Variants in PIEZO2 observed in about 807,000 individuals in gnomAD.
The protein encoded by PIEZO2 is piezo type mechanosensitive ion channel component 2.
Under a neutral mutation model 337.3 loss-of-function variants are expected in PIEZO2, and 172 were observed. The observed-to-expected ratio is 0.51, with a 90% CI of 0.45 to 0.58. The LOEUF is 0.58. Ranked by LOEUF, PIEZO2 falls within the 20% of genes least tolerant of loss-of-function variation. The pLI is 0.00. For synonymous variants in PIEZO2, 1,251 were observed against 1,228.5 expected, an observed-to-expected ratio of 1.02 and a Z score of -0.38; for missense variants, 3,028 against 3,391.3, an observed-to-expected ratio of 0.89 and a Z score of 2.66.
intron 2 of PIEZO2, among the ~76,000 whole-genome samples, chr18:11,037,416 A>C (rs1035520211): frequency 6.6e-6 from 1 of 152,248 alleles, no homozygotes; most frequent in South Asian, 2.1e-4. Context: ...ACTAAAAAAT[A>C]ATTATTGAGC....
chr18:10,885,382 C>A (rs1018588081), intron 4 of PIEZO2, among the ~76,000 whole-genome samples: 13 of 152,240 alleles, frequency 8.5e-5, no homozygotes, highest in African/African-American at 3.1e-4. Context: ...CGAGATTGAG[C>A]AACTGCACTC....
In PIEZO2 at chr18:10,888,716, G is replaced by A. The variant is rs182946623; in HGVS notation, c.330-17301C>T. On this transcript the variant is annotated intron_variant, in intron 4 of 55. Transcript: ENST00000674853. The surrounding 1 kb of genome is among the most constrained non-coding windows in gnomAD (Gnocchi z 4.1). ...CTTTGTAAATCTTTGCTCTGATAGT[G>A]ACAAACATGGCTCCCATTATCCTTA... Among the ~76,000 whole-genome samples, 7 of 152,046 alleles carry A rather than the reference G, an allele frequency of 4.6e-5. No homozygotes were observed. In the East Asian group the frequency reaches 1.4e-3, roughly 29 times the overall value.
intron 14 of PIEZO2, among the ~76,000 whole-genome samples, chr18:10,790,374 G>A (rs2039367425): frequency 6.6e-6 from 1 of 152,192 alleles, no homozygotes; most frequent in African/African-American, 2.4e-5. Flanking sequence ...TTCACAGACA[G>A]TGCTTCTTAA....
chr18:10,989,052 C>T (rs537585952), intron 2 of PIEZO2, among the ~76,000 whole-genome samples: 72 of 152,120 alleles, frequency 4.7e-4, no homozygotes, highest in African/African-American at 1.7e-3. Context: ...GTATTGTACA[C>T]TTAAAATTGC....
At chr18:11,066,334 C>T (rs1212260198) in intron 1 of PIEZO2, 112 bp from the exon 2 acceptor site, 32 of 716,540 alleles carry the variant, frequency 4.5e-5, no homozygotes, top group Non-Finnish European at 3.7e-5. Context: ...CAAACAGTGT[C>T]ACTTCCTGAA....
chr18:10,922,439 G>C (rs1280629244), intron 3 of PIEZO2, among the ~76,000 whole-genome samples: 3 of 152,104 alleles, frequency 2.0e-5, no homozygotes, highest in Admixed American at 2.0e-4. Context: ...GATGAGGTGA[G>C]GCCAAAGGAC....
chr18:11,044,472 G>T (rs1296424019), intron 2 of PIEZO2, among the ~76,000 whole-genome samples: 2 of 152,220 alleles, frequency 1.3e-5, no homozygotes, highest in African/African-American at 2.4e-5. Flanking sequence ...ACCACTAATT[G>T]TGAATCAAAT....
In PIEZO2 at chr18:11,001,647, G is replaced by A. The variant is rs1193670891; in HGVS notation, c.161-21987C>T. ...AATCTCAGCACTTTGGGAGGCTGAG[G>A]TGGGCGGATCATCTGAGGTCGGGAG... On this transcript the variant is annotated intron_variant, in intron 2 of 55. Coordinates refer to ENST00000674853, the MANE Select transcript of PIEZO2 (RefSeq NM_001378183.1). This position sits in a 1 kb window ranked among gnomAD's most constrained non-coding sequence, Gnocchi z 5.3. 1.3e-5 allele frequency among the ~76,000 whole-genome samples: 2 copies of A among 152,072 alleles called. No homozygotes were observed. Among genetic ancestry groups the A allele is most frequent in the African/African-American group, 4.8e-5 (2 of 41,408 alleles).
At chr18:10,701,643 G>T (rs1400163443) in intron 43 of PIEZO2, among the ~76,000 whole-genome samples, 4 of 152,200 alleles carry the variant, frequency 2.6e-5, no homozygotes, top group Non-Finnish European at 5.9e-5. Context: ...AGAATTTAGT[G>T]TATCCGGCCT....
chr18:10,966,679 G>T (rs373475659), intron 3 of PIEZO2, among the ~76,000 whole-genome samples: 6 of 151,878 alleles, frequency 4.0e-5, no homozygotes, highest in African/African-American at 1.2e-4. Context: ...ACATGAATAA[G>T]TTCTTTAGTG....
chr18:10,879,848 C>G (rs947555734), intron 4 of PIEZO2, among the ~76,000 whole-genome samples: 1 of 152,156 alleles, frequency 6.6e-6, no homozygotes, highest in African/African-American at 2.4e-5. Context: ...AAATCAAATA[C>G]TACACAGCAA....
At position 10,791,093 on chromosome 18, in the gene PIEZO2, T is replaced by G; in HGVS notation, c.1882+108A>C. On this transcript the variant is annotated intron_variant, in intron 14 of 55. Transcript: ENST00000674853. ...ATAACGTTACTTATTGCTCCAAGTT[T>G]ACATTCCAGTTTCATTTATTCTGAA... The G allele has an allele frequency of 2.5e-6, 3 of 1,212,882 alleles. No homozygotes were observed. In the South Asian group the frequency reaches 5.0e-5, roughly 20 times the overall value. 75.1% of individuals were successfully genotyped at this position (1,212,882 alleles called of 1,614,324 possible).
At chr18:10,763,235 C>T (rs982457323) in intron 21 of PIEZO2, 137 bp from the exon 22 acceptor site, 104 of 904,380 alleles carry the variant, frequency 1.1e-4, no homozygotes, top group Non-Finnish European at 1.6e-4. Flanking sequence ...AAGGAATTGC[C>T]CTAGGTGCTG....
At chr18:10,814,776 G>A (rs916117143) in intron 7 of PIEZO2, among the ~76,000 whole-genome samples, 22 of 152,134 alleles carry the variant, frequency 1.4e-4, no homozygotes, top group African/African-American at 5.3e-4. Context: ...GAAACACCAG[G>A]AGCTAAGTGG....
At chr18:10,799,001 C>T (rs149693071) in intron 11 of PIEZO2, among the ~76,000 whole-genome samples, 1 of 152,186 alleles carries the variant, frequency 6.6e-6, no homozygotes, top group Non-Finnish European at 1.5e-5. Context: ...TGGTGGCTGA[C>T]CTTGATTTAA....
In PIEZO2 at chr18:11,129,036, T is replaced by G. The variant is rs1471646101; in HGVS notation, c.64+19489A>C. Among the ~76,000 whole-genome samples the G allele has an allele frequency of 6.6e-6, 1 of 152,180 alleles. No individual in the cohort carries two copies. The highest frequency in any genetic ancestry group is 2.4e-5 in the African/African-American group (1 of 41,444). ...GTTGGTTAAAATGTGGATTAAAAGATGGCCCACTATGAGCGAGCTGGAAAT... is the reference window on the plus strand; with the variant it reads ...GTTGGTTAAAATGTGGATTAAAAGAGGGCCCACTATGAGCGAGCTGGAAAT... On this transcript the variant is annotated intron_variant, in intron 1 of 55. Coordinates refer to ENST00000674853, the MANE Select transcript of PIEZO2 (RefSeq NM_001378183.1). The surrounding 1 kb of genome is among the most constrained non-coding windows in gnomAD (Gnocchi z 4.6).
intron 3 of PIEZO2, among the ~76,000 whole-genome samples, chr18:10,916,613 G>A (rs927337865): frequency 4.6e-5 from 7 of 152,132 alleles, no homozygotes; most frequent in Non-Finnish European, 7.4e-5. Flanking sequence ...TCTAGAACTC[G>A]CGTCGGCCGG....
intron 5 of PIEZO2, among the ~76,000 whole-genome samples, chr18:10,868,851 T>C (rs944115707): frequency 5.9e-5 from 9 of 152,212 alleles, no homozygotes; most frequent in Admixed American, 3.3e-4. Flanking sequence ...TTGATCAATG[T>C]AGGCTTTCTT....
At position 10,720,407 on chromosome 18, in the gene PIEZO2, GTGTATGTGTATGTATATA is replaced by G. The variant is rs2036245122; in HGVS notation, c.5030-2166_5030-2149del. ...TGTGTGTGTGTGTGTGTGTGTGTAT[GTGTATGTGTATGTATATA>G]TATATATATATATATATATATATAT... On this transcript the variant is annotated intron_variant, in intron 36 of 55. Transcript: ENST00000674853. 9.2e-3 allele frequency among the ~76,000 whole-genome samples: 110 copies of G among 11,902 alleles called. 2 individuals are homozygous for G. The highest frequency in any genetic ancestry group is 0.025 in the Admixed American group (19 of 764). The allele number at this position is 11,902 out of a possible 152,430, so 7.8% of individuals were successfully genotyped here.
Sources: allele counts gnomAD v4.1 joint callset (sites outside exome capture counted in the v4.1 genomes callset), GRCh38; gene constraint gnomAD v4.1.1; non-coding constraint Gnocchi (gnomAD v3.1); transcripts MANE v1.5; gene names NCBI Gene and HGNC (gene_info 2026-07-23, HGNC 2026-07-21).